ZFAND3: variants seen among roughly 807,000 people sequenced by gnomAD.
ZFAND3 encodes zinc finger AN1-type containing 3, also known as AN1-type zinc finger protein 3.
ZFAND3 carries 10 observed loss-of-function variants against 29.6 expected under a neutral mutation model. The observed-to-expected ratio is 0.34, with a 90% CI of 0.21 to 0.57. The LOEUF (loss-of-function observed/expected upper bound fraction) is 0.57. ZFAND3 is among the 20% of genes least tolerant of loss of function. The pLI, the probability that ZFAND3 is intolerant of heterozygous loss-of-function variation, is 0.86. For missense variants in ZFAND3, 230 were observed against 304.5 expected (o/e 0.76, Z 1.82); for synonymous variants, 128 against 112.6 (o/e 1.14, Z -0.87).
At chr6:37,958,983 A>T (rs57040650) in intron 2 of ZFAND3, among the ~76,000 whole-genome samples, 10,350 of 152,284 alleles carry the variant, frequency 0.068, 425 homozygotes, top group Non-Finnish European at 0.087. Context: ...CATAGATTTT[A>T]TCACCAACAT....
At chr6:37,866,099 C>G (rs1462337273) in intron 1 of ZFAND3, among the ~76,000 whole-genome samples, 1 of 152,114 alleles carries the variant, frequency 6.6e-6, no homozygotes, top group Admixed American at 6.5e-5. Flanking sequence ...TCCCAAACTG[C>G]TAGATGTGAG....
At chr6:37,962,210 G>A (rs1247259670) in intron 2 of ZFAND3, among the ~76,000 whole-genome samples, 1 of 152,188 alleles carries the variant, frequency 6.6e-6, no homozygotes, top group Non-Finnish European at 1.5e-5. Flanking sequence ...TGAAATTGGT[G>A]TACTGAAGAA....
intron 2 of ZFAND3, among the ~76,000 whole-genome samples, chr6:37,938,495 TTCTC>T (rs773263200): frequency 6.6e-6 from 1 of 152,184 alleles, no homozygotes; most frequent in Non-Finnish European, 1.5e-5. Flanking sequence ...ATCCTGTGTT[TTCTC>T]TCTCTCTTTT....
intron 4 of ZFAND3, among the ~76,000 whole-genome samples, chr6:38,114,674 A>G (rs1453053847): frequency 6.6e-6 from 1 of 151,484 alleles, no homozygotes; most frequent in East Asian, 2.0e-4. Flanking sequence ...GGTCCACTGG[A>G]CAATCTTGGG....
chr6:37,957,695 C>G lies in ZFAND3; in HGVS notation c.112+27696C>G, dbSNP rs191727584. The stretch of plus-strand genomic sequence containing the variant: ...AATAGAGTTGCCAGCTACTTTTTAG[C>G]TAAGAAATATGGTAGAACTCTACCC... On this transcript the variant is annotated intron_variant, in intron 2 of 5. Transcript: ENST00000287218. Among the ~76,000 whole-genome samples, 7 of 152,174 alleles carry G rather than the reference C, an allele frequency of 4.6e-5. No individual in the cohort carries two copies. The East Asian group carries it at 1.2e-3, about 25-fold the overall frequency.
intron 2 of ZFAND3, among the ~76,000 whole-genome samples, chr6:37,994,711 T>A (rs1762820345): frequency 6.6e-6 from 1 of 152,232 alleles, no homozygotes; most frequent in Admixed American, 6.5e-5. Flanking sequence ...CAACTCTGGC[T>A]GGATTAAGCA....
chr6:38,012,054 T>C (rs1280261732), intron 2 of ZFAND3, among the ~76,000 whole-genome samples: 1 of 152,162 alleles, frequency 6.6e-6, no homozygotes, highest in South Asian at 2.1e-4. Context: ...AGAATTGAGA[T>C]GTTTAGCACA....
At chr6:37,979,917 G>A (rs1307182680) in intron 2 of ZFAND3, among the ~76,000 whole-genome samples, 2 of 152,204 alleles carry the variant, frequency 1.3e-5, no homozygotes, top group Non-Finnish European at 2.9e-5. Context: ...AAATGAAAAT[G>A]TGAGCCTTTG....
At chr6:37,946,016 G>A (rs2645096) in intron 2 of ZFAND3, among the ~76,000 whole-genome samples, 131,416 of 152,114 alleles carry the variant, frequency 0.86, 57,737 homozygotes, top group East Asian at 0.96. Context: ...TGTTTTTGGT[G>A]TCTTAAAGGG....
At chr6:38,026,675 C>T (rs1763455756) in intron 2 of ZFAND3, among the ~76,000 whole-genome samples, 1 of 152,000 alleles carries the variant, frequency 6.6e-6, no homozygotes, top group Admixed American at 6.6e-5. Context: ...AGGCAGTCCG[C>T]CCACCTTGGC....
intron 3 of ZFAND3, among the ~76,000 whole-genome samples, chr6:38,074,973 G>A (rs1764524368): frequency 6.6e-6 from 1 of 152,164 alleles, no homozygotes; most frequent in Non-Finnish European, 1.5e-5. Flanking sequence ...AATATTTTAA[G>A]CCTACTGTAT....
At chr6:37,849,654 C>G (rs945695611) in intron 1 of ZFAND3, among the ~76,000 whole-genome samples, 2 of 152,190 alleles carry the variant, frequency 1.3e-5, no homozygotes, top group Non-Finnish European at 2.9e-5. Flanking sequence ...AGGTGATCCA[C>G]CTGCCTCAGC....
At chr6:37,893,413 G>T (rs966808593) in intron 1 of ZFAND3, among the ~76,000 whole-genome samples, 1 of 152,142 alleles carries the variant, frequency 6.6e-6, no homozygotes, top group African/African-American at 2.4e-5. Context: ...ACTATGAATC[G>T]AGTGGAACTT....
At chr6:38,036,278 G>GA (rs1188972049) in intron 2 of ZFAND3, among the ~76,000 whole-genome samples, 3 of 151,996 alleles carry the variant, frequency 2.0e-5, no homozygotes, top group African/African-American at 7.2e-5. Flanking sequence ...TAAAAACAAG[G>GA]AAAAAAATCT....
intron 5 of ZFAND3, chr6:38,142,312 C>T (rs1170020301): frequency 2.1e-6 from 1 of 471,530 alleles, no homozygotes; most frequent in East Asian, 6.9e-5. Flanking sequence ...CCCCTGACCA[C>T]GTTGCCACTC....
chr6:38,074,893 C>T (rs1478268756), intron 3 of ZFAND3, among the ~76,000 whole-genome samples: 1 of 152,192 alleles, frequency 6.6e-6, no homozygotes, highest in Non-Finnish European at 1.5e-5. Flanking sequence ...TACATCCGCT[C>T]TGCCTGTGTT....
chr6:37,971,364 G>C (rs1388249982), intron 2 of ZFAND3, among the ~76,000 whole-genome samples: 1 of 152,114 alleles, frequency 6.6e-6, no homozygotes, highest in Non-Finnish European at 1.5e-5. Flanking sequence ...CTCACTAGTT[G>C]AGATTAAATT....
intron 5 of ZFAND3, among the ~76,000 whole-genome samples, chr6:38,132,264 C>A (rs1460614966): frequency 6.6e-6 from 1 of 152,154 alleles, no homozygotes; most frequent in East Asian, 1.9e-4. Flanking sequence ...GTAATCCCAA[C>A]ACTTTGAGAG....
At chr6:37,948,668 C>G (rs1761942900) in intron 2 of ZFAND3, among the ~76,000 whole-genome samples, 1 of 152,172 alleles carries the variant, frequency 6.6e-6, no homozygotes, top group Non-Finnish European at 1.5e-5. Context: ...TCCATGTGTA[C>G]TTAATGTTTA....
Sources: gnomAD v4.1 joint callset for allele counts (sites outside exome capture counted in the v4.1 genomes callset) on GRCh38, gnomAD v4.1.1 for gene constraint, MANE v1.5 for transcripts, NCBI Gene and HGNC (gene_info 2026-07-23, HGNC 2026-07-21) for gene names.